CAP2: variants seen among roughly 807,000 people sequenced by gnomAD.
The protein encoded by CAP2 is cyclase associated actin cytoskeleton regulatory protein 2.
A neutral mutation model predicts 57.7 loss-of-function variants in CAP2; 24 were observed. That is an observed-to-expected ratio of 0.42 (90% confidence interval 0.30 to 0.58). The LOEUF is 0.58. CAP2 is among the 20% of genes least tolerant of loss of function. CAP2 has a pLI of 0.22. For synonymous variants in CAP2, 194 were observed against 207.2 expected, an observed-to-expected ratio of 0.94 and a Z score of 0.55; for missense variants, 501 against 590.3, an observed-to-expected ratio of 0.85 and a Z score of 1.57.
chr6:17,546,260 C>T lies in CAP2; in HGVS notation c.1209+3117C>T, dbSNP rs574145737. The stretch of plus-strand genomic sequence containing the variant: ...CTAACTGGTATGAGATTGTATCTCA[C>T]TGTGGTTTTGATTTGCATTTCTCTG... On this transcript the variant is annotated intron_variant, in intron 11 of 12. Transcript: ENST00000229922. Among the ~76,000 whole-genome samples, 177 of 152,260 alleles carry T rather than the reference C, an allele frequency of 1.2e-3. 1 individual carries two copies. The highest frequency in any genetic ancestry group is 4.0e-3 in the African/African-American group (165 of 41,574).
chr6:17,514,520 T>C (rs1474563477), intron 7 of CAP2, among the ~76,000 whole-genome samples: 1 of 151,970 alleles, frequency 6.6e-6, no homozygotes, highest in Non-Finnish European at 1.5e-5. Flanking sequence ...GAGGCCGAGG[T>C]GGGCAGATCA....
chr6:17,488,887 G>A (rs1367476001), intron 4 of CAP2, among the ~76,000 whole-genome samples: 5 of 152,118 alleles, frequency 3.3e-5, no homozygotes, highest in Non-Finnish European at 7.3e-5. Flanking sequence ...TGTTCCACGA[G>A]GTGGATATTC....
intron 3 of CAP2, among the ~76,000 whole-genome samples, chr6:17,436,771 G>C (rs1759903117): frequency 6.6e-6 from 1 of 152,040 alleles, no homozygotes; most frequent in South Asian, 2.1e-4. Context: ...TCTATGTCAG[G>C]GGTCCCCATC....
intron 4 of CAP2, among the ~76,000 whole-genome samples, chr6:17,472,548 C>T (rs1184527526): frequency 2.6e-5 from 4 of 152,216 alleles, no homozygotes; most frequent in African/African-American, 9.6e-5. Flanking sequence ...CAGCAGCTTT[C>T]TGAGTAGCAG....
chr6:17,529,357 T>C (rs6919361), intron 7 of CAP2, among the ~76,000 whole-genome samples: 35,936 of 151,714 alleles, frequency 0.24, 5,107 homozygotes, highest in African/African-American at 0.4. Context: ...ATAAACACAC[T>C]CTGTCTGGGC....
intron 4 of CAP2, among the ~76,000 whole-genome samples, chr6:17,486,882 C>A (rs1761432560): frequency 7.0e-6 from 1 of 142,964 alleles, no homozygotes; most frequent in African/African-American, 3.1e-5. Context: ...ACACAACACA[C>A]CGTCACGGTC....
intron 11 of CAP2, among the ~76,000 whole-genome samples, chr6:17,544,874 C>T (rs1309080953): frequency 1.3e-5 from 2 of 152,120 alleles, no homozygotes; most frequent in Non-Finnish European, 2.9e-5. Flanking sequence ...TATTTCTGAT[C>T]ACTACATTTA....
intron 7 of CAP2, among the ~76,000 whole-genome samples, chr6:17,532,085 T>G (rs997240476): frequency 3.3e-5 from 5 of 151,980 alleles, no homozygotes; most frequent in Non-Finnish European, 1.5e-5. Flanking sequence ...AAGAGTTAGA[T>G]TCTACTCAAA....
rs182674127 is a variant in CAP2, at chr6:17,520,840, A to G, written c.636+6886A>G. ...AAGAGAAAACTGTTCTTAAGCTTTT[A>G]TATCCAAATTTTCATTTAGAACTTG... On this transcript the variant is annotated intron_variant, in intron 7 of 12. Coordinates refer to ENST00000229922, the MANE Select transcript of CAP2 (RefSeq NM_006366.3). Among the ~76,000 whole-genome samples the G allele has an allele frequency of 2.2e-3, 340 of 152,320 alleles. 3 individuals are homozygous for G. Among genetic ancestry groups the G allele is most frequent in the African/African-American group, 7.7e-3 (320 of 41,576 alleles).
rs1761660295 is a variant in CAP2 at position 17,496,032 on chromosome 6, G to GGGT, written c.301-11135_301-11134insTGG. 9.8e-5 allele frequency among the ~76,000 whole-genome samples: 13 copies of GGGT among 132,664 alleles called. 2 individuals are homozygous for GGGT. In the South Asian group the frequency reaches 1.7e-3, roughly 17 times the overall value. The allele number at this position is 132,664 out of a possible 152,430, so 87.0% of individuals were successfully genotyped here. A position where few individuals can be genotyped will look rare whatever the true frequency, so the allele number is the denominator to read the frequency against. ...GCTGTGCATGCGTGTGTGGGTGGGG[G>GGGT]GGGGGGGTAAGTCAGGGAAAACAGG... On this transcript the variant is annotated intron_variant, in intron 4 of 12. Transcript: ENST00000229922.
chr6:17,554,069 C>T (rs905935970), intron 12 of CAP2, among the ~76,000 whole-genome samples: 15 of 152,184 alleles, frequency 9.9e-5, no homozygotes, highest in Non-Finnish European at 1.9e-4. Flanking sequence ...GAATACATCA[C>T]TCATTATAGC....
At chr6:17,426,548 C>A in intron 2 of CAP2, 42 bp from the exon 3 acceptor site, 1 of 1,467,440 alleles carries the variant, frequency 6.8e-7, no homozygotes, top group Non-Finnish European at 9.6e-7. Context: ...CCCAGGTTTT[C>A]ATTCAACGGC....
chr6:17,513,558 G>C lies in CAP2; in HGVS notation c.531-291G>C, dbSNP rs767054556. 2.0e-5 allele frequency among the ~76,000 whole-genome samples: 3 copies of C among 152,014 alleles called. No homozygotes were observed. Among genetic ancestry groups the C allele is most frequent in the Non-Finnish European group, 4.4e-5 (3 of 68,006 alleles). ...TGAGGGCTGACTGGGACAGTGCAAG[G>C]ACACCCTACTCAAGTCAGCTTAGCT... On this transcript the variant is annotated intron_variant, in intron 6 of 12. Coordinates refer to ENST00000229922, the MANE Select transcript of CAP2 (RefSeq NM_006366.3). The surrounding 1 kb of genome is among the most constrained non-coding windows in gnomAD (Gnocchi z 4.3).
At chr6:17,421,821 C>A in intron 2 of CAP2, 145 bp downstream of exon 2, 1 of 889,864 alleles carries the variant, frequency 1.1e-6, no homozygotes, top group Non-Finnish European at 1.8e-6. Context: ...TAACCAGAGG[C>A]AAGCAATCCC....
intron 3 of CAP2, among the ~76,000 whole-genome samples, chr6:17,458,562 AAGTGGTTTGACAAAAACT>A (rs1282776025): frequency 6.6e-6 from 1 of 152,208 alleles, no homozygotes; most frequent in Non-Finnish European, 1.5e-5. Flanking sequence ...CGTTAATACG[AAGTGGTTTGACAAAAACT>A]AGTCATTTTC....
chr6:17,505,101 G>A (rs1450162569), intron 4 of CAP2, among the ~76,000 whole-genome samples: 1 of 152,140 alleles, frequency 6.6e-6, no homozygotes, highest in African/African-American at 2.4e-5. Context: ...CCATGTGCCA[G>A]GGCTTTAAAA....
intron 3 of CAP2, among the ~76,000 whole-genome samples, chr6:17,437,616 T>C (rs1759929609): frequency 6.6e-6 from 1 of 151,918 alleles, no homozygotes; most frequent in African/African-American, 2.4e-5. Context: ...TGGTGGCTCA[T>C]GCCTGTAATC....
chr6:17,544,842 ACAGCACCCAGCCC>A (rs1454195509), intron 11 of CAP2, among the ~76,000 whole-genome samples: 1 of 152,216 alleles, frequency 6.6e-6, no homozygotes, highest in African/African-American at 2.4e-5. Flanking sequence ...GTCATGAGCC[ACAGCACCCAGCCC>A]CAGTTTAGTA....
At chr6:17,551,337 G>A in intron 11 of CAP2, 127 bp from the exon 12 acceptor site, 1 of 705,988 alleles carries the variant, frequency 1.4e-6, no homozygotes, top group East Asian at 2.6e-5. Flanking sequence ...CCCCAGCTTT[G>A]ACCCAGTGAA....
Sources: gnomAD v4.1 joint callset for allele counts (sites outside exome capture counted in the v4.1 genomes callset) on GRCh38, gnomAD v4.1.1 for gene constraint, Gnocchi (gnomAD v3.1) non-coding constraint, MANE v1.5 for transcripts, NCBI Gene and HGNC (gene_info 2026-07-23, HGNC 2026-07-21) for gene names.